The following VPS13D variants were observed in gnomAD, a reference collection of about 807,000 sequenced individuals.
VPS13D encodes intermembrane lipid transfer protein VPS13D.
In VPS13D, 187 loss-of-function variants were observed where a neutral mutation model predicts 461.9. The observed-to-expected ratio is 0.40, with a 90% CI of 0.36 to 0.46. VPS13D has a LOEUF of 0.46. VPS13D is among the 20% of genes least tolerant of loss of function. VPS13D has a pLI of 0.60. For synonymous variants in VPS13D, 1,951 were observed against 1,986.3 expected, an observed-to-expected ratio of 0.98 and a Z score of 0.47; for missense variants, 4,711 against 5,364.9, an observed-to-expected ratio of 0.88 and a Z score of 3.81.
intron 33 of VPS13D, 49 bp from the exon 34 acceptor site, chr1:12,322,487 A>G: frequency 6.3e-7 from 1 of 1,585,042 alleles, no homozygotes; most frequent in Non-Finnish European, 8.7e-7. Flanking sequence ...ATATGGATGT[A>G]AAACCAATGC....
intron 66 of VPS13D, 67 bp downstream of exon 66, chr1:12,456,197 T>C: frequency 6.5e-7 from 1 of 1,529,160 alleles, no homozygotes; most frequent in Non-Finnish European, 8.7e-7. Context: ...ATCAATCTGA[T>C]TGCAGCTATA....
chr1:12,314,053 T>C (rs1464843822), intron 29 of VPS13D, 62 bp from the exon 30 acceptor site: 3 of 1,479,592 alleles, frequency 2.0e-6, no homozygotes, highest in Non-Finnish European at 2.8e-6. Context: ...CGAACTTATA[T>C]ACTTTTGTAA....
At position 12,277,443 on chromosome 1, in the gene VPS13D, CCTGAAGATGGCTTCTTTACA is replaced by C. The variant is rs889480427; in HGVS notation, c.3856_3875del (p.Lys1287Ter). 6.2e-7 allele frequency: 1 copy of C among 1,613,986 alleles called. No homozygotes were observed. The highest frequency in any genetic ancestry group is 1.7e-5 in the Admixed American group (1 of 59,994). ...GATCTAAACAGGAGTGTTTTCTCAACCTGAAGATGGCTTCTTTACATTATAACCACTCTGCTAAGTTTTTG... is the reference window on the plus strand; with the variant it reads ...GATCTAAACAGGAGTGTTTTCTCAACTTATAACCACTCTGCTAAGTTTTTG... On this transcript the variant is annotated frameshift_variant, in exon 19 of 70. Coordinates refer to ENST00000620676, the MANE Select transcript of VPS13D (RefSeq NM_015378.4). LOFTEE classifies it high-confidence loss of function.
At chr1:12,256,576 G>A (rs547254439) in intron 8 of VPS13D, 73 bp downstream of exon 8, 6 of 1,526,040 alleles carry the variant, frequency 3.9e-6, no homozygotes, top group Middle Eastern at 1.8e-4. Flanking sequence ...TGATATTAAC[G>A]TATCCTCAGC....
intron 21 of VPS13D, among the ~76,000 whole-genome samples, chr1:12,285,433 G>A (rs950866857): frequency 6.6e-6 from 1 of 151,752 alleles, no homozygotes; most frequent in African/African-American, 2.4e-5. Context: ...TGGGATTACA[G>A]GTGCGCGCCG....
intron 49 of VPS13D, among the ~76,000 whole-genome samples, chr1:12,356,852 T>C (rs556885435): frequency 6.6e-5 from 10 of 152,336 alleles, no homozygotes; most frequent in African/African-American, 2.4e-4. Flanking sequence ...CCCTGTAAAC[T>C]TGGAGCACAG....
chr1:12,274,895 C>A (rs1272620920), intron 18 of VPS13D, among the ~76,000 whole-genome samples: 1 of 151,924 alleles, frequency 6.6e-6, no homozygotes, highest in African/African-American at 2.4e-5. Context: ...GCCAGCCTGG[C>A]CAACATGGTG....
intron 25 of VPS13D, among the ~76,000 whole-genome samples, chr1:12,302,681 C>T (rs1024418061): frequency 1.3e-5 from 2 of 152,148 alleles, no homozygotes; most frequent in Non-Finnish European, 2.9e-5. Flanking sequence ...AGTCAATCCA[C>T]ATTCACATGC....
chr1:12,382,742 A>G (rs764936692), intron 57 of VPS13D, among the ~76,000 whole-genome samples: 1 of 152,236 alleles, frequency 6.6e-6, no homozygotes, highest in South Asian at 2.1e-4. Context: ...GCATGAAATT[A>G]TCTCTTATTC....
At chr1:12,411,203 C>T (rs1210689236) in intron 63 of VPS13D, among the ~76,000 whole-genome samples, 1 of 152,092 alleles carries the variant, frequency 6.6e-6, no homozygotes, top group Non-Finnish European at 1.5e-5. Flanking sequence ...CGATCGTTTA[C>T]TAGAAAATCT....
At chr1:12,475,159 T>G (rs1018071867) in intron 67 of VPS13D, among the ~76,000 whole-genome samples, 12 of 152,156 alleles carry the variant, frequency 7.9e-5, no homozygotes, top group Admixed American at 7.2e-4. Context: ...GATGTTCCCT[T>G]TGGGTACTGG....
Position 12,308,625 on chromosome 1 carries a change from G to T in VPS13D, c.6634G>T (p.Glu2212Ter), listed in dbSNP as rs1440101293. ...TEPCRLKLQV[E>*]RNLDKEISHT... ...GCCTTGTAGGCTGAAATTGCAGGTG[G>T]AAAGGAATTTGGACAAGTGAGTGTT... The change falls in exon 27 of 70, where the codon GAA (glutamate) becomes TAA (stop). Residue 2212 changes from glutamate to a stop codon, truncating the protein, a stop_gained. Transcript: ENST00000620676. LOFTEE classifies it high-confidence loss of function. 6.2e-7 allele frequency: 1 copy of T among 1,612,902 alleles called. No individual in the cohort carries two copies. The highest frequency in any genetic ancestry group is 8.5e-7 in the Non-Finnish European group (1 of 1,179,570).
chr1:12,260,869 T>G, intron 11 of VPS13D, 75 bp downstream of exon 11: 1 of 1,610,536 alleles, frequency 6.2e-7, no homozygotes, highest in Non-Finnish European at 8.5e-7. Context: ...GTGCTTGTGC[T>G]CCTGTGGGGA....
chr1:12,343,329 C>G (rs1265835957), intron 42 of VPS13D, among the ~76,000 whole-genome samples: 1 of 151,860 alleles, frequency 6.6e-6, no homozygotes, highest in Non-Finnish European at 1.5e-5. Context: ...GATGCTCCAC[C>G]ACACCTGGCT....
chr1:12,262,148 A>T, intron 13 of VPS13D, 68 bp downstream of exon 13: 1 of 1,509,696 alleles, frequency 6.6e-7, no homozygotes. Flanking sequence ...GGCGATTCTC[A>T]TTATTTGCTG....
intron 27 of VPS13D, among the ~76,000 whole-genome samples, chr1:12,309,997 G>T (rs1284303978): frequency 6.6e-6 from 1 of 152,012 alleles, no homozygotes. Flanking sequence ...GTTATGGTTG[G>T]CATGGGCTAT....
chr1:12,365,669 A>G (rs1644024700), intron 52 of VPS13D, among the ~76,000 whole-genome samples: 1 of 149,986 alleles, frequency 6.7e-6, no homozygotes, highest in South Asian at 2.1e-4. Flanking sequence ...GTGCCGTTGC[A>G]CTCTAGCCTG....
At chr1:12,420,509 T>G (rs1644849671) in intron 65 of VPS13D, among the ~76,000 whole-genome samples, 2 of 152,244 alleles carry the variant, frequency 1.3e-5, no homozygotes, top group African/African-American at 4.8e-5. Context: ...TTAGCCTGGT[T>G]GAATGGGCTT....
chr1:12,501,874 G>A (rs1646039839), intron 68 of VPS13D, among the ~76,000 whole-genome samples: 1 of 152,252 alleles, frequency 6.6e-6, no homozygotes, highest in Non-Finnish European at 1.5e-5. Context: ...GACCTTGCAG[G>A]AGGCGGAGGA....
Sources: allele counts gnomAD v4.1 joint callset (sites outside exome capture counted in the v4.1 genomes callset), GRCh38; gene constraint gnomAD v4.1.1; transcripts MANE v1.5; gene names NCBI Gene and HGNC (gene_info 2026-07-23, HGNC 2026-07-21).